DDAH1: variants seen among roughly 807,000 people sequenced by gnomAD.
The protein encoded by DDAH1 is dimethylarginine dimethylaminohydrolase 1.
Under a neutral mutation model 28.8 loss-of-function variants are expected in DDAH1, and 19 were observed. That is an observed-to-expected ratio of 0.66 (90% CI 0.46 to 0.97). DDAH1 has a LOEUF of 0.97. Ranked by LOEUF, DDAH1 falls within the 50% of genes least tolerant of loss-of-function variation. The pLI, the probability that DDAH1 is intolerant of heterozygous loss-of-function variation, is 0.00. For synonymous variants in DDAH1, 153 were observed against 154.4 expected (o/e 0.99, Z 0.07); for missense variants, 326 against 375.9 (o/e 0.87, Z 1.10).
At chr1:85,569,531 GA>G (rs1659392700) in intron 1 of DDAH1, among the ~76,000 whole-genome samples, 1 of 152,202 alleles carries the variant, frequency 6.6e-6, no homozygotes, top group Non-Finnish European at 1.5e-5. Flanking sequence ...ATTTCAGGCA[GA>G]AATTGTCTCA....
At chr1:85,452,387 T>C (rs931279826) in intron 1 of DDAH1, among the ~76,000 whole-genome samples, 3 of 152,222 alleles carry the variant, frequency 2.0e-5, no homozygotes, top group Admixed American at 6.5e-5. Context: ...AAGTACACTT[T>C]ATGTTGCAAC....
intron 1 of DDAH1, among the ~76,000 whole-genome samples, chr1:85,556,217 T>G (rs1388050406): frequency 6.6e-6 from 1 of 152,158 alleles, no homozygotes. Flanking sequence ...TGCTGGTTCT[T>G]TGATCTCTTA....
At chr1:85,339,970 CT>C (rs938680569) in intron 4 of DDAH1, among the ~76,000 whole-genome samples, 15 of 151,574 alleles carry the variant, frequency 9.9e-5, no homozygotes, top group East Asian at 1.9e-4. Context: ...AGAAATCATC[CT>C]TTTTTTTTAA....
chr1:85,467,088 C>T (rs551550540), upstream of DDAH1, among the ~76,000 whole-genome samples: 11 of 152,198 alleles, frequency 7.2e-5, no homozygotes, highest in South Asian at 8.3e-4. Context: ...CCGCCTGCCT[C>T]GGCCTCCCAA....
At chr1:85,409,832 A>G (rs1277578723) in intron 1 of DDAH1, among the ~76,000 whole-genome samples, 1 of 152,234 alleles carries the variant, frequency 6.6e-6, no homozygotes, top group Non-Finnish European at 1.5e-5. Flanking sequence ...TACCTATGCT[A>G]AAGTTTTTGT....
At chr1:85,325,343 A>C (rs1405709120) in intron 4 of DDAH1, among the ~76,000 whole-genome samples, 1 of 145,338 alleles carries the variant, frequency 6.9e-6, no homozygotes, top group African/African-American at 2.5e-5. Context: ...ACGTGTGTGC[A>C]TGCACGTGCG....
intron 4 of DDAH1, among the ~76,000 whole-genome samples, chr1:85,335,798 T>TA (rs1351220700): frequency 6.6e-6 from 1 of 151,482 alleles, no homozygotes; most frequent in Non-Finnish European, 1.5e-5. Context: ...CCTGTCTCTA[T>TA]AAAAAATACA....
At chr1:85,517,498 A>G (rs1657514354) in intron 1 of DDAH1, among the ~76,000 whole-genome samples, 1 of 151,868 alleles carries the variant, frequency 6.6e-6, no homozygotes, top group South Asian at 2.1e-4. Context: ...CATGGGAAAA[A>G]AGAAAGGATG....
intron 1 of DDAH1, among the ~76,000 whole-genome samples, chr1:85,566,854 G>C (rs1177389378): frequency 6.6e-6 from 1 of 152,158 alleles, no homozygotes; most frequent in African/African-American, 2.4e-5. Flanking sequence ...ATTGGCTTAT[G>C]TGAGTATGGA....
At chr1:85,402,705 C>T (rs1350936893) in intron 1 of DDAH1, among the ~76,000 whole-genome samples, 3 of 151,948 alleles carry the variant, frequency 2.0e-5, no homozygotes, top group South Asian at 2.1e-4. Context: ...GTCAGGAGAT[C>T]GAGATGATCC....
At chr1:85,507,527 TAAAC>T (rs139094334) in intron 1 of DDAH1, among the ~76,000 whole-genome samples, 13 of 149,364 alleles carry the variant, frequency 8.7e-5, no homozygotes, top group Non-Finnish European at 1.5e-4. Context: ...AATAAATAAA[TAAAC>T]AAACAAACAG....
chr1:85,443,592 C>T (rs4949904), intron 1 of DDAH1, among the ~76,000 whole-genome samples: 34,612 of 152,084 alleles, frequency 0.23, 4,100 homozygotes, highest in East Asian at 0.32. Context: ...ATGGGGATGG[C>T]ATTGAATCTA....
intron 2 of DDAH1, among the ~76,000 whole-genome samples, chr1:85,475,921 G>A (rs577219949): frequency 4.6e-5 from 7 of 152,162 alleles, no homozygotes; most frequent in East Asian, 3.9e-4. Context: ...GCACAATCTC[G>A]GCTCACTGCA....
intron 1 of DDAH1, among the ~76,000 whole-genome samples, chr1:85,434,527 G>GACT (rs1357340191): frequency 2.6e-5 from 4 of 151,904 alleles, no homozygotes; most frequent in African/African-American, 9.7e-5. Context: ...GGGTAGCTGG[G>GACT]ACTACAGGCA....
intron 4 of DDAH1, among the ~76,000 whole-genome samples, chr1:85,337,229 T>A (rs1354199782): frequency 6.6e-6 from 1 of 152,224 alleles, no homozygotes. Flanking sequence ...CTTAGGTGTC[T>A]TTGTAAGCTG....
chr1:85,573,564 C>T (rs574084302), intron 1 of DDAH1, among the ~76,000 whole-genome samples: 2 of 152,250 alleles, frequency 1.3e-5, no homozygotes, highest in East Asian at 3.9e-4. Context: ...GGAATGCTGG[C>T]TTCCTGTGGA....
intron 1 of DDAH1, among the ~76,000 whole-genome samples, chr1:85,445,857 T>A (rs754006077): frequency 2.0e-5 from 3 of 152,136 alleles, no homozygotes; most frequent in Non-Finnish European, 4.4e-5. Context: ...CTCCTTGGCC[T>A]CCCAAAATAC....
intron 1 of DDAH1, among the ~76,000 whole-genome samples, chr1:85,420,540 A>G (rs765424285): frequency 6.6e-6 from 1 of 152,198 alleles, no homozygotes; most frequent in Non-Finnish European, 1.5e-5. Flanking sequence ...TCCCTAGGGC[A>G]CGGACACAAT....
chr1:85,382,950 C>T (rs1341860010), intron 1 of DDAH1, among the ~76,000 whole-genome samples: 2 of 152,228 alleles, frequency 1.3e-5, no homozygotes, highest in African/African-American at 4.8e-5. Context: ...TATTACTGCT[C>T]ATTGACAATG....
Sources: allele counts gnomAD v4.1 joint callset (sites outside exome capture counted in the v4.1 genomes callset), GRCh38; gene constraint gnomAD v4.1.1; transcripts MANE v1.5; gene names NCBI Gene and HGNC (gene_info 2026-07-23, HGNC 2026-07-21).